The following DGLUCY variants were observed in gnomAD, a reference collection of about 807,000 sequenced individuals.
DGLUCY encodes the protein D-glutamate cyclase, also known as D-glutamate cyclase, mitochondrial.
A neutral mutation model predicts 58.5 loss-of-function variants in DGLUCY; 58 were observed. That is an observed-to-expected ratio of 0.99 (90% confidence interval 0.80 to 1.23). DGLUCY has a LOEUF of 1.23. Ranked by LOEUF, DGLUCY falls within the 50% of genes most tolerant of loss-of-function variation. The pLI, the probability that DGLUCY is intolerant of heterozygous loss-of-function variation, is 0.00. For synonymous variants in DGLUCY, 325 were observed against 314.1 expected, an observed-to-expected ratio of 1.03 and a Z score of -0.37; for missense variants, 779 against 784.7, an observed-to-expected ratio of 0.99 and a Z score of 0.09.
At chr14:91,161,657 G>C (rs768744224) in intron 3 of DGLUCY, among the ~76,000 whole-genome samples, 1 of 152,070 alleles carries the variant, frequency 6.6e-6, no homozygotes, top group African/African-American at 2.4e-5. Context: ...CGCATACCAA[G>C]CTTCTGCTTG....
chr14:91,094,995 A>G lies in DGLUCY; in HGVS notation c.-82+34291A>G, dbSNP rs546670611. Among the ~76,000 whole-genome samples, 4 of 152,142 alleles carry G rather than the reference A, an allele frequency of 2.6e-5. No individual in the cohort carries two copies. In the East Asian group the frequency reaches 7.7e-4, roughly 29 times the overall value. On this transcript the variant is annotated intron_variant, in intron 1 of 4. Coordinates refer to the DGLUCY transcript ENST00000521334. Reference sequence around the variant, plus strand: ...CTCGCTCTGGGTCCAGGCATGGGTGATCTAAAGCAGCAGCTGCCCTCCAGC... The same window carrying G: ...CTCGCTCTGGGTCCAGGCATGGGTGGTCTAAAGCAGCAGCTGCCCTCCAGC...
At chr14:91,212,377 G>A (rs557585748) in intron 12 of DGLUCY, among the ~76,000 whole-genome samples, 1 of 152,198 alleles carries the variant, frequency 6.6e-6, no homozygotes, top group African/African-American at 2.4e-5. Flanking sequence ...GGGCTTAGTG[G>A]CATCTCTGTG....
At chr14:91,107,623 T>C (rs751122278), upstream of DGLUCY, among the ~76,000 whole-genome samples, 1 of 152,212 alleles carries the variant, frequency 6.6e-6, no homozygotes, top group Non-Finnish European at 1.5e-5. Context: ...GTTTACTGAC[T>C]CTATGCCATG....
upstream of DGLUCY, among the ~76,000 whole-genome samples, chr14:91,111,584 A>G (rs2044702225): frequency 6.6e-6 from 1 of 152,028 alleles, no homozygotes; most frequent in African/African-American, 2.4e-5. Flanking sequence ...CCCAGCCTTT[A>G]TTTATATTTT....
chr14:91,100,082 G>GAAGAA (rs1197479555), intron 1 of DGLUCY, among the ~76,000 whole-genome samples: 1 of 147,490 alleles, frequency 6.8e-6, no homozygotes, highest in Non-Finnish European at 1.5e-5. Context: ...AAAAGAAGAA[G>GAAGAA]AAGAAAAGAA....
chr14:91,219,409 A>C (rs1887100850), intron 13 of DGLUCY, among the ~76,000 whole-genome samples: 1 of 152,210 alleles, frequency 6.6e-6, no homozygotes, highest in African/African-American at 2.4e-5. Context: ...TACAGTGTGC[A>C]GAGGAAATAG....
intron 9 of DGLUCY, among the ~76,000 whole-genome samples, chr14:91,192,016 G>C (rs1028023137): frequency 2.0e-5 from 3 of 152,150 alleles, no homozygotes; most frequent in Admixed American, 1.3e-4. Flanking sequence ...TCCACTTCCA[G>C]GCATATACCC....
At position 91,224,804 on chromosome 14, in the gene DGLUCY, C is replaced by G. The variant is rs1451414447; in HGVS notation, c.1837C>G (p.Leu613Val). Residue 613 changes from leucine (L) to valine (V), a missense_variant, in exon 14 of 14, where the codon CTG (leucine) becomes GTG (valine). Physicochemically the swap from Leu to Val is conservative, Grantham distance 32 (BLOSUM62 1). Coordinates refer to ENST00000256324, the MANE Select transcript of DGLUCY (RefSeq NM_001102368.3). Reference protein sequence around the residue: ...HNTHAEMIQKLVDVTTAQV With the variant: ...HNTHAEMIQKVVDVTTAQV ...CACCCACGCCGAGATGATCCAGAAG[C>G]TGGTGGACGTCACCACGGCACAGGT... 6.2e-7 allele frequency: 1 copy of G among 1,613,262 alleles called. No individual in the cohort carries two copies. The highest frequency in any genetic ancestry group is 1.1e-5 in the South Asian group (1 of 90,960).
At chr14:91,201,914 G>C (rs925518416) in intron 11 of DGLUCY, among the ~76,000 whole-genome samples, 4 of 151,950 alleles carry the variant, frequency 2.6e-5, no homozygotes, top group East Asian at 1.9e-4. Context: ...AATTAACCAG[G>C]CATGGTGGTG....
At chr14:91,153,072 A>G (rs930400485) in intron 1 of DGLUCY, among the ~76,000 whole-genome samples, 11 of 152,258 alleles carry the variant, frequency 7.2e-5, no homozygotes, top group Middle Eastern at 3.4e-3. Context: ...CCTCCTTGAA[A>G]TACTTGCTTC....
At position 91,216,605 on chromosome 14, in the gene DGLUCY, C is replaced by T. The variant is rs186592361; in HGVS notation, c.1716+1049C>T. 4.0e-4 allele frequency: 60 copies of T among 150,310 alleles called. No homozygotes were observed. The East Asian group carries it at 6.3e-3, about 16-fold the overall frequency. The allele number at this position is 150,310 out of a possible 1,614,324, so 9.3% of individuals were successfully genotyped here. ...GCTGCAGTGAGCTATGTTCACTTCA[C>T]TGCACTCCAGCCTTGGAGACAGAGT... On this transcript the variant is annotated intron_variant, in intron 13 of 13. Coordinates refer to ENST00000256324, the MANE Select transcript of DGLUCY (RefSeq NM_001102368.3).
At chr14:91,204,367 G>A (rs927940105) in intron 11 of DGLUCY, among the ~76,000 whole-genome samples, 4 of 152,156 alleles carry the variant, frequency 2.6e-5, no homozygotes, top group East Asian at 1.9e-4. Context: ...CTCAGTGAGC[G>A]GGAGCCACTG....
intron 1 of DGLUCY, among the ~76,000 whole-genome samples, chr14:91,084,961 G>A (rs2044187921): frequency 6.6e-6 from 1 of 152,158 alleles, no homozygotes; most frequent in Non-Finnish European, 1.5e-5. Flanking sequence ...GGTGGCTTGT[G>A]CCTGTAATCC....
intron 11 of DGLUCY, among the ~76,000 whole-genome samples, chr14:91,203,088 A>C (rs1424891405): frequency 6.6e-6 from 1 of 152,220 alleles, no homozygotes; most frequent in Non-Finnish European, 1.5e-5. Flanking sequence ...AGGGACTGCC[A>C]GCTCTATACA....
intron 3 of DGLUCY, among the ~76,000 whole-genome samples, chr14:91,162,972 T>C (rs2048075600): frequency 6.6e-6 from 1 of 151,238 alleles, no homozygotes; most frequent in African/African-American, 2.4e-5. Context: ...AAAGATACAA[T>C]TTGTGCTGGG....
intron 1 of DGLUCY, among the ~76,000 whole-genome samples, chr14:91,095,467 T>C (rs2044379161): frequency 6.6e-6 from 1 of 152,240 alleles, no homozygotes; most frequent in Non-Finnish European, 1.5e-5. Flanking sequence ...GGCAAGTGGC[T>C]ATGACGTGCA....
intron 1 of DGLUCY, among the ~76,000 whole-genome samples, chr14:91,121,047 C>T (rs2045328596): frequency 6.6e-6 from 1 of 152,172 alleles, no homozygotes; most frequent in Admixed American, 6.5e-5. Flanking sequence ...AGCCCCTCTC[C>T]CTCTTTACCC....
chr14:91,081,610 C>T (rs895904343), intron 1 of DGLUCY, among the ~76,000 whole-genome samples: 3 of 152,180 alleles, frequency 2.0e-5, no homozygotes, highest in Non-Finnish European at 4.4e-5. Flanking sequence ...TTTGGAAGCT[C>T]TAGGGGAGAC....
chr14:91,133,576 A>T (rs983321902), intron 1 of DGLUCY, among the ~76,000 whole-genome samples: 2 of 151,976 alleles, frequency 1.3e-5, no homozygotes, highest in South Asian at 2.1e-4. Flanking sequence ...TTTTCTAGAG[A>T]TGGGGTCTTA....
Sources: allele counts gnomAD v4.1 joint callset (sites outside exome capture counted in the v4.1 genomes callset), GRCh38; gene constraint gnomAD v4.1.1; transcripts MANE v1.5; gene names NCBI Gene and HGNC (gene_info 2026-07-23, HGNC 2026-07-21).